The following NCOA2 variants were observed in gnomAD, a reference collection of about 807,000 sequenced individuals.
NCOA2 encodes nuclear receptor coactivator 2, also known as class E basic helix-loop-helix protein 75.
NCOA2 carries 21 observed loss-of-function variants against 145.1 expected under a neutral mutation model. The ratio of observed to expected loss-of-function variants is 0.14; its 90% confidence interval spans 0.10 to 0.21. The LOEUF is 0.21. Among genes scored for constraint, NCOA2 ranks in the 10% least tolerant of loss-of-function variants. The probability of loss-of-function intolerance (pLI) is 1.00; values close to 1 mark genes in which losing one functional copy is unlikely to be tolerated. For missense variants in NCOA2, 1,472 were observed against 1,837.6 expected, an observed-to-expected ratio of 0.80 and a Z score of 3.64; for synonymous variants, 619 against 637.5, an observed-to-expected ratio of 0.97 and a Z score of 0.44.
intron 2 of NCOA2, among the ~76,000 whole-genome samples, chr8:70,239,036 T>G (rs552940482): frequency 2.0e-5 from 3 of 152,282 alleles, no homozygotes; most frequent in African/African-American, 7.2e-5. Flanking sequence ...AACCTCTGTA[T>G]AAGAAACCAC....
intron 6 of NCOA2, 141 bp downstream of exon 6, chr8:70,170,059 CTG>C: frequency 1.4e-6 from 1 of 733,648 alleles, no homozygotes; most frequent in Non-Finnish European, 2.2e-6. Flanking sequence ...ACACAAGCAT[CTG>C]TAAAAAACTA....
chr8:70,366,668 CA>C (rs1456231224), intron 1 of NCOA2, among the ~76,000 whole-genome samples: 7 of 149,506 alleles, frequency 4.7e-5, no homozygotes, highest in African/African-American at 1.7e-4. Flanking sequence ...CCATTGCCGG[CA>C]TAAGTTATTT....
chr8:70,153,829 G>A (rs138461105), intron 11 of NCOA2, among the ~76,000 whole-genome samples: 1 of 152,214 alleles, frequency 6.6e-6, no homozygotes, highest in Admixed American at 6.5e-5. Context: ...CGGAACAGCT[G>A]CTAATAGAAC....
chr8:70,127,169 A>G (rs1162794190), intron 18 of NCOA2, 122 bp from the exon 19 acceptor site: 9 of 688,880 alleles, frequency 1.3e-5, no homozygotes, highest in Admixed American at 2.4e-5. Flanking sequence ...TTGGAAAAAA[A>G]TTACATGAAA....
chr8:70,294,600 T>C (rs1826940987), intron 2 of NCOA2, among the ~76,000 whole-genome samples: 1 of 152,208 alleles, frequency 6.6e-6, no homozygotes, highest in Non-Finnish European at 1.5e-5. Context: ...TGAAATAATG[T>C]TTGGCTTTTA....
chr8:70,204,905 G>C (rs1818273539), intron 4 of NCOA2, among the ~76,000 whole-genome samples: 1 of 152,188 alleles, frequency 6.6e-6, no homozygotes, highest in Non-Finnish European at 1.5e-5. Context: ...CTACTCAGGA[G>C]GATGAGGCAC....
intron 4 of NCOA2, among the ~76,000 whole-genome samples, chr8:70,193,613 GA>G (rs1437266804): frequency 1.3e-5 from 2 of 152,104 alleles, no homozygotes; most frequent in Non-Finnish European, 2.9e-5. Flanking sequence ...TCTACCAGAG[GA>G]AAAAAGCTTT....
chr8:70,201,476 A>AC (rs1817885887), intron 4 of NCOA2, among the ~76,000 whole-genome samples: 1 of 152,166 alleles, frequency 6.6e-6, no homozygotes, highest in Non-Finnish European at 1.5e-5. Flanking sequence ...GGTGAAGAAC[A>AC]CTATTACTGT....
In NCOA2 at chr8:70,187,214, C is replaced by T. The variant is rs149596771; in HGVS notation, c.260-12355G>A. ...CACAAGTGTGAAAGAGAGGTGGTTA[C>T]AATTTGCATGCTGAGGTCAAAGTGA... On this transcript the variant is annotated intron_variant, in intron 4 of 22. Transcript: ENST00000452400. 2.6e-3 allele frequency among the ~76,000 whole-genome samples: 397 copies of T among 152,338 alleles called. 1 individual carries two copies. Among genetic ancestry groups the T allele is most frequent in the Middle Eastern group, 0.024 (7 of 294 alleles).
the NCOA2 span, among the ~76,000 whole-genome samples, chr8:70,445,732 G>T: frequency 6.6e-6 from 1 of 152,180 alleles, no homozygotes; most frequent in Non-Finnish European, 1.5e-5. Flanking sequence ...GGGCTTCCCA[G>T]CCTTGGAGTG....
intron 1 of NCOA2, among the ~76,000 whole-genome samples, chr8:70,338,371 C>A (rs1333525086): frequency 6.6e-6 from 1 of 151,960 alleles, no homozygotes; most frequent in Non-Finnish European, 1.5e-5. Flanking sequence ...ACACATACAC[C>A]CTCCCAAGAC....
intron 3 of NCOA2, among the ~76,000 whole-genome samples, chr8:70,215,822 T>TAA (rs769871457): frequency 1.3e-5 from 2 of 152,232 alleles, no homozygotes; most frequent in Non-Finnish European, 2.9e-5. Context: ...CCTAAAACAA[T>TAA]ACACATTCTT....
At chr8:70,124,457 T>C (rs1455012745) in intron 20 of NCOA2, among the ~76,000 whole-genome samples, 1 of 152,042 alleles carries the variant, frequency 6.6e-6, no homozygotes, top group Non-Finnish European at 1.5e-5. Context: ...CACTAGAATT[T>C]ACAAAAGCTT....
At position 70,162,819 on chromosome 8, in the gene NCOA2, C is replaced by T; in HGVS notation, c.868G>A (p.Ala290Thr). Residue 290 changes from alanine to threonine, a missense_variant, in exon 9 of 23, where the codon GCA becomes ACA. Physicochemically the swap from Ala to Thr is moderately conservative, Grantham distance 58. Coordinates refer to ENST00000452400, the MANE Select transcript of NCOA2 (RefSeq NM_006540.4). The stretch of plus-strand genomic sequence containing the variant: ...TCCTCCCAGCCTGGTTTCATGGCTG[C>T]TCTCATGGTGCTGGTATCCAGAGAC... Reference protein sequence around the residue: ...ITSLDTSTMRAAMKPGWEDLV... With the variant: ...ITSLDTSTMRTAMKPGWEDLV... The T allele has an allele frequency of 2.5e-6, 4 of 1,613,828 alleles. No homozygotes were observed. Among genetic ancestry groups the T allele is most frequent in the Non-Finnish European group, 3.4e-6 (4 of 1,179,844 alleles).
chr8:70,137,289 C>T (rs1050489591), intron 15 of NCOA2, among the ~76,000 whole-genome samples: 6 of 152,124 alleles, frequency 3.9e-5, no homozygotes, highest in African/African-American at 1.2e-4. Context: ...GTGATCTGCC[C>T]GCCTCAACCT....
chr8:70,452,347 A>G, the NCOA2 span, among the ~76,000 whole-genome samples: 29 of 152,312 alleles, frequency 1.9e-4, no homozygotes, highest in East Asian at 5.4e-3. Context: ...AAGATGTTTA[A>G]CACCACTAAT....
intron 1 of NCOA2, among the ~76,000 whole-genome samples, chr8:70,355,417 T>G (rs1487799989): frequency 6.6e-6 from 1 of 152,214 alleles, no homozygotes; most frequent in Non-Finnish European, 1.5e-5. Context: ...TTCTAGGCAC[T>G]GAAGATACAG....
chr8:70,170,297 T>A lies in NCOA2; in HGVS notation c.446A>T (p.Tyr149Phe). ...TTTGTTCATCAGCTCTTCTTGGTTA[T>A]ACCTTAGATACTGTGTCACATTCTC... ...VSENVTQYLR[Y>F]NQEELMNKSV... The change falls in exon 6 of 23, where the codon TAT (tyrosine) becomes TTT (phenylalanine). Residue 149 changes from tyrosine to phenylalanine, a missense_variant. Tyr to Phe is a conservative substitution (Grantham distance 22, BLOSUM62 3). Around this residue, in one of 4 missense-constraint regions of NCOA2, gnomAD observed 284 missense variants for 467.8 expected, o/e 0.61. Transcript: ENST00000452400. 6.2e-7 allele frequency: 1 copy of A among 1,610,426 alleles called. No homozygotes were observed. The highest frequency in any genetic ancestry group is 8.5e-7 in the Non-Finnish European group (1 of 1,178,266).
chr8:70,121,466 C>T (rs548390870), intron 21 of NCOA2, 75 bp from the exon 22 acceptor site: 70 of 1,144,574 alleles, frequency 6.1e-5, no homozygotes, highest in African/African-American at 4.9e-4. Flanking sequence ...AAGTGGCCGC[C>T]GCCCTTCCTC....
Sources: allele counts gnomAD v4.1 joint callset (sites outside exome capture counted in the v4.1 genomes callset), GRCh38; gene constraint gnomAD v4.1.1; regional missense constraint gnomAD v4.1.1; transcripts MANE v1.5; gene names NCBI Gene and HGNC (gene_info 2026-07-23, HGNC 2026-07-21).